PGCKA1: variants seen among roughly 807,000 people sequenced by gnomAD.
PGCKA1 encodes PDCD10 and GCKIII kinases-associated protein 1.
chr4:37,461,277 G>A, the PGCKA1 span, among the ~76,000 whole-genome samples: 17 of 151,950 alleles, frequency 1.1e-4, no homozygotes, highest in Non-Finnish European at 2.2e-4. Context: ...TCTTTCTGCT[G>A]AGGATTGTCT....
At chr4:37,500,689 T>C in the PGCKA1 span, among the ~76,000 whole-genome samples, 82 of 152,350 alleles carry the variant, frequency 5.4e-4, no homozygotes, top group Admixed American at 9.1e-4. Flanking sequence ...ATTTTCTGCC[T>C]TGATGGTCTG....
the PGCKA1 span, among the ~76,000 whole-genome samples, chr4:37,524,102 G>A: frequency 6.6e-6 from 1 of 152,170 alleles, no homozygotes; most frequent in Non-Finnish European, 1.5e-5. Context: ...GAAGTATAAA[G>A]TGGGTTCTTT....
At chr4:37,581,857 G>A in the PGCKA1 span, among the ~76,000 whole-genome samples, 5 of 152,182 alleles carry the variant, frequency 3.3e-5, no homozygotes, top group South Asian at 2.1e-4. This position sits in a 1 kb window ranked among gnomAD's most constrained non-coding sequence, Gnocchi z 4.4. Flanking sequence ...CCCTTCAAGT[G>A]TATTAGGATT....
At chr4:37,525,434 C>T in the PGCKA1 span, among the ~76,000 whole-genome samples, 12,450 of 152,222 alleles carry the variant, frequency 0.082, 654 homozygotes, top group Middle Eastern at 0.14. Flanking sequence ...CACTCTCCAA[C>T]GTAGTCCCTG....
the PGCKA1 span, among the ~76,000 whole-genome samples, chr4:37,470,483 G>A: frequency 3.9e-5 from 6 of 152,290 alleles, no homozygotes; most frequent in South Asian, 1.2e-3. Flanking sequence ...CTTCATGCAT[G>A]TGTTTGCAAA....
chr4:37,468,491 G>A, the PGCKA1 span, among the ~76,000 whole-genome samples: 102,881 of 152,082 alleles, frequency 0.68, 36,548 homozygotes, highest in Non-Finnish European at 0.78. Context: ...CTGGTGCCTC[G>A]TCCTTTTCTT....
At chr4:37,477,592 G>A in the PGCKA1 span, among the ~76,000 whole-genome samples, 1 of 152,260 alleles carries the variant, frequency 6.6e-6, no homozygotes. Context: ...ATAATAAAGT[G>A]GCAGACTTCT....
chr4:37,564,789 G>A, the PGCKA1 span, among the ~76,000 whole-genome samples: 68,882 of 151,830 alleles, frequency 0.45, 16,461 homozygotes, highest in South Asian at 0.54. Context: ...TTAAAGGTGC[G>A]AGCCACTGTG....
At chr4:37,537,145 TAG>T in the PGCKA1 span, among the ~76,000 whole-genome samples, 169 of 152,394 alleles carry the variant, frequency 1.1e-3, no homozygotes, top group Middle Eastern at 3.4e-3. Flanking sequence ...TCATAAGATA[TAG>T]ATACTTAAGG....
the PGCKA1 span, among the ~76,000 whole-genome samples, chr4:37,517,781 T>C: frequency 6.6e-6 from 1 of 152,224 alleles, no homozygotes; most frequent in Non-Finnish European, 1.5e-5. Context: ...TTTAAAAGTA[T>C]TTGAAAATGT....
At chr4:37,498,676 T>C in the PGCKA1 span, among the ~76,000 whole-genome samples, 7 of 152,264 alleles carry the variant, frequency 4.6e-5, no homozygotes, top group Middle Eastern at 3.4e-3. Context: ...CGTTTGTTGA[T>C]TTTGTATCCT....
chr4:37,482,359 A>G, the PGCKA1 span, among the ~76,000 whole-genome samples: 1 of 152,174 alleles, frequency 6.6e-6, no homozygotes, highest in East Asian at 1.9e-4. Flanking sequence ...GGTGGTTTCC[A>G]ATGGAGATGA....
chr4:37,506,548 GTATTGTTGAATT>G, the PGCKA1 span, among the ~76,000 whole-genome samples: 983 of 146,938 alleles, frequency 6.7e-3, 21 homozygotes, highest in East Asian at 0.075. Context: ...ATTCAGGAGT[GTATTGTTGAATT>G]TCCATGTGTT....
chr4:37,487,033 A>G, the PGCKA1 span, among the ~76,000 whole-genome samples: 1 of 152,206 alleles, frequency 6.6e-6, no homozygotes, highest in African/African-American at 2.4e-5. Context: ...AGAAATGGTG[A>G]TGTCTACACT....
the PGCKA1 span, among the ~76,000 whole-genome samples, chr4:37,473,650 G>A: frequency 6.6e-6 from 1 of 152,090 alleles, no homozygotes; most frequent in African/African-American, 2.4e-5. Context: ...GAGGGTTGTA[G>A]GGGACACCCA....
chr4:37,493,144 T>C, the PGCKA1 span, among the ~76,000 whole-genome samples: 2 of 152,166 alleles, frequency 1.3e-5, no homozygotes, highest in East Asian at 3.8e-4. Flanking sequence ...TCTGTAATTA[T>C]TCTGCTTTTA....
At chr4:37,475,155 CA>C in the PGCKA1 span, among the ~76,000 whole-genome samples, 1 of 152,232 alleles carries the variant, frequency 6.6e-6, no homozygotes, top group African/African-American at 2.4e-5. Flanking sequence ...GCATTTTAAT[CA>C]AACTGAACAC....
At chr4:37,585,875 G>C in the PGCKA1 span, among the ~76,000 whole-genome samples, 1 of 151,746 alleles carries the variant, frequency 6.6e-6, no homozygotes, top group African/African-American at 2.4e-5. Context: ...TGTACTTGGG[G>C]TTTTCTATCT....
the PGCKA1 span, among the ~76,000 whole-genome samples, chr4:37,509,564 G>A: frequency 2.6e-5 from 4 of 151,950 alleles, no homozygotes; most frequent in South Asian, 2.1e-4. Context: ...ACGGGGTGGC[G>A]GCCGGGCAGA....
Sources: allele counts gnomAD v4.1 joint callset (sites outside exome capture counted in the v4.1 genomes callset), GRCh38; gene constraint gnomAD v4.1.1; non-coding constraint Gnocchi (gnomAD v3.1); transcripts MANE v1.5; gene names NCBI Gene and HGNC (gene_info 2026-07-23, HGNC 2026-07-21).